Variants in PIEZO1 observed in about 807,000 individuals in gnomAD.
PIEZO1 encodes the protein piezo-type mechanosensitive ion channel component 1.
PIEZO1 carries 296 observed loss-of-function variants against 297.2 expected under a neutral mutation model. The ratio of observed to expected loss-of-function variants is 1.00; its 90% CI spans 0.91 to 1.10. The LOEUF is 1.10. Ranked by LOEUF, PIEZO1 falls within the 50% of genes least tolerant of loss-of-function variation. The pLI, the probability that PIEZO1 is intolerant of heterozygous loss-of-function variation, is 0.00. For missense variants in PIEZO1, 5,018 were observed against 3,455.5 expected (o/e 1.45, Z -11.34); for synonymous variants, 2,427 against 1,507.5 (o/e 1.61, Z -14.13).
intron 7 of PIEZO1, 50 bp from the exon 8 acceptor site, chr16:88,738,155 C>A: frequency 6.5e-7 from 1 of 1,534,516 alleles, no homozygotes; most frequent in Non-Finnish European, 8.7e-7. Flanking sequence ...GCAGTGGGGC[C>A]ACAGGGGCTA....
intron 1 of PIEZO1, among the ~76,000 whole-genome samples, chr16:88,779,936 C>T (rs1002065506): frequency 6.6e-6 from 1 of 152,256 alleles, no homozygotes; most frequent in African/African-American, 2.4e-5. Context: ...CTACCCCCAC[C>T]CAGCCTGGGT....
intron 44 of PIEZO1, chr16:88,718,665 C>T (rs1477142503): frequency 1.3e-5 from 2 of 152,208 alleles, no homozygotes; most frequent in East Asian, 3.8e-4. Flanking sequence ...TTACTAGGGG[C>T]CAGGGGAGGG....
intron 1 of PIEZO1, among the ~76,000 whole-genome samples, chr16:88,758,996 G>A (rs186267278): frequency 2.6e-4 from 39 of 152,334 alleles, no homozygotes; most frequent in African/African-American, 8.4e-4. Flanking sequence ...AAGCTGTTGC[G>A]TCTGCTCCTG....
At chr16:88,725,978 G>A in intron 27 of PIEZO1, 2 of 568,558 alleles carry the variant, frequency 3.5e-6, no homozygotes, top group East Asian at 2.9e-5. Flanking sequence ...GGGCAGTCGT[G>A]ACACCACACA....
chr16:88,733,662 A>C lies in PIEZO1; in HGVS notation c.2413T>G (p.Phe805Val). 6.5e-7 allele frequency: 1 copy of C among 1,549,670 alleles called. No individual in the cohort carries two copies. Among genetic ancestry groups the C allele is most frequent in the Non-Finnish European group, 8.7e-7 (1 of 1,146,554 alleles). The change falls in exon 18 of 51, where the codon TTC becomes GTC. Residue 805 changes from phenylalanine to valine, a missense_variant. Coordinates refer to ENST00000301015, the MANE Select transcript of PIEZO1 (RefSeq NM_001142864.4). ...FSDVLSRVQVFLRRLLELHVF... is the reference protein window; with the variant it reads ...FSDVLSRVQVVLRRLLELHVF... ...TGAAGCTCCAGCAGCCGCCGCAGGA[A>C]CACCTGCACGCGTGAGAGGACGTCC... is the stretch of plus-strand genomic sequence containing the variant.
Position 88,737,958 on chromosome 16 carries a change from G to A in PIEZO1, c.996C>T (p.Leu332=), listed in dbSNP as rs1192345811. The change falls in exon 8 of 51, where the codon CTC becomes CTT. Residue 332 remains leucine, a synonymous_variant. Transcript: ENST00000301015. The part of the protein sequence containing the change: ...LCYATASLRK[L]RAYRPSGQRK... ...CCTGGCCGGAGGGGCGGTACGCGCG[G>A]AGCTTGCGCAGAGAGGCCGTGGCGT... 35 of 1,532,670 alleles carry A rather than the reference G, an allele frequency of 2.3e-5. No homozygotes were observed. The highest frequency in any genetic ancestry group is 3.0e-5 in the Non-Finnish European group (34 of 1,144,974). 94.9% of individuals were successfully genotyped at this position (1,532,670 alleles called of 1,614,324 possible). A position where few individuals can be genotyped will look rare whatever the true frequency, so the allele number is the denominator to read the frequency against.
intron 1 of PIEZO1, among the ~76,000 whole-genome samples, chr16:88,760,567 C>T (rs143819596): frequency 0.016 from 2,425 of 152,298 alleles, 35 homozygotes; most frequent in South Asian, 0.046. Flanking sequence ...GGCAGGGATC[C>T]GAGGGGAACG....
In PIEZO1 at chr16:88,733,349, T is replaced by C. The variant is rs1041802348; in HGVS notation, c.2593A>G (p.Ile865Val). The C allele has an allele frequency of 1.2e-5, 19 of 1,550,098 alleles. No homozygotes were observed. The Admixed American group carries it at 2.2e-4, about 18-fold the overall frequency. The change falls in exon 19 of 51, where the codon ATC (isoleucine) becomes GTC (valine). Residue 865 changes from isoleucine to valine, a missense_variant. Ile to Val is a conservative substitution (Grantham distance 29). Coordinates refer to ENST00000301015, the MANE Select transcript of PIEZO1 (RefSeq NM_001142864.4). ...TGGTACAGCATCTTACACACGATGA[T>C]GACGCAGGTCCACACGGTGGACAGG... ...SCLSTVWTCV[I>V]IVCKMLYQLK...
At chr16:88,730,241 G>C in intron 22 of PIEZO1, among the ~76,000 whole-genome samples, 1 of 152,264 alleles carries the variant, frequency 6.6e-6, no homozygotes, top group Admixed American at 6.5e-5. Context: ...AGCAATGGCT[G>C]TGAGCACAAG....
chr16:88,748,965 C>T lies in PIEZO1; in HGVS notation c.160+419G>A, dbSNP rs1042653591. On this transcript the variant is annotated intron_variant, in intron 2 of 50. Coordinates refer to ENST00000301015, the MANE Select transcript of PIEZO1 (RefSeq NM_001142864.4). Reference sequence around the variant, plus strand: ...AAAAAAAAAAAAAAAAAGCCGGGCGCGGTGGCTCACGTCTGTAATCCCAGC... The same window carrying T: ...AAAAAAAAAAAAAAAAAGCCGGGCGTGGTGGCTCACGTCTGTAATCCCAGC... 1.2e-3 allele frequency among the ~76,000 whole-genome samples: 165 copies of T among 138,066 alleles called. 1 individual carries two copies. The highest frequency in any genetic ancestry group is 4.7e-3 in the East Asian group (21 of 4,464). 90.6% of individuals were successfully genotyped at this position (138,066 alleles called of 152,430 possible).
At chr16:88,735,383 C>G in intron 12 of PIEZO1, 137 bp from the exon 13 acceptor site, 1 of 658,572 alleles carries the variant, frequency 1.5e-6, no homozygotes, top group Non-Finnish European at 2.8e-6. Context: ...GCAGCCTCCC[C>G]ACAGGCACCG....
Position 88,716,194 on chromosome 16 carries a change from T to C in PIEZO1, c.7129+4A>G. 1 of 1,502,500 alleles carries C rather than the reference T, an allele frequency of 6.7e-7. No homozygotes were observed. Among genetic ancestry groups the C allele is most frequent in the Non-Finnish European group, 8.9e-7 (1 of 1,120,254 alleles). 93.1% of individuals were successfully genotyped at this position (1,502,500 alleles called of 1,614,324 possible). A position where few individuals can be genotyped will look rare whatever the true frequency, so the allele number is the denominator to read the frequency against. On this transcript the variant is annotated splice_donor_region_variant and intron_variant, in intron 49 of 50. Transcript: ENST00000301015. ...CCTCCCCCAACCCCCACGCCCATAC[T>C]CACTGGGCTGCAGCTGCTTCACAGG...
Position 88,726,306 on chromosome 16 carries a change from C to G in PIEZO1, c.3946G>C (p.Ala1316Pro), listed in dbSNP as rs1379548717. The change falls in exon 27 of 51, where the codon GCC becomes CCC. Residue 1316 changes from alanine (A) to proline (P), a missense_variant. By Grantham distance (27) the Ala-to-Pro change is conservative. Coordinates refer to ENST00000301015, the MANE Select transcript of PIEZO1 (RefSeq NM_001142864.4). The stretch of plus-strand genomic sequence containing the variant: ...TGCCTGGAGGCTAGCAGGGCGGTGG[C>G]CTGGAGGTCGGCCCTGACGTGCAGG... ...YYLHVRADLQ[A>P]TALLASRGFA... is the part of the protein sequence containing the mutation. The G allele has an allele frequency of 1.3e-6, 2 of 1,549,532 alleles. No homozygotes were observed.
At chr16:88,756,687 G>A (rs780185285) in intron 1 of PIEZO1, among the ~76,000 whole-genome samples, 21 of 152,162 alleles carry the variant, frequency 1.4e-4, no homozygotes, top group Non-Finnish European at 2.6e-4. Context: ...AGAATCGCTT[G>A]AACCTGGGAG....
chr16:88,733,266 G>C lies in PIEZO1; in HGVS notation c.2664+12C>G, dbSNP rs58273686. 0.01 allele frequency: 15,943 copies of C among 1,534,298 alleles called. 1,293 individuals carry two copies. In the African/African-American group the frequency reaches 0.18, roughly 18 times the overall value. ...GGAGCTTCCTCCCGTCCCAGCCCTC[G>C]GGGGCCGGTACCTCGGTGCAGTTGC... is the stretch of plus-strand genomic sequence containing the variant. On this transcript the variant is annotated intron_variant, in intron 19 of 50. Transcript: ENST00000301015.
intron 1 of PIEZO1, among the ~76,000 whole-genome samples, chr16:88,783,755 C>A (rs891096841): frequency 2.0e-5 from 3 of 152,216 alleles, no homozygotes; most frequent in African/African-American, 7.2e-5. Flanking sequence ...TTCATTGATT[C>A]CTGTCTAGAA....
Position 88,726,769 on chromosome 16 carries a change from C to T in PIEZO1, c.3645G>A (p.Trp1215Ter). 2 of 1,550,198 alleles carry T rather than the reference C, an allele frequency of 1.3e-6. No homozygotes were observed. The highest frequency in any genetic ancestry group is 1.2e-5 in the South Asian group (1 of 84,066). The change falls in exon 25 of 51, where the codon TGG becomes TGA. Residue 1215 changes from tryptophan (W) to a stop codon, truncating the protein, a stop_gained. Coordinates refer to ENST00000301015, the MANE Select transcript of PIEZO1 (RefSeq NM_001142864.4). LOFTEE classifies it high-confidence loss of function. ...QRDTRARLVL[W>*]DCLILYNVTV... ...TGACGTTGTACAGAATGAGGCAGTC[C>T]CACAGCACGAGGCGGGCCCGTGTGT...
intron 1 of PIEZO1, among the ~76,000 whole-genome samples, chr16:88,756,348 T>C (rs1906653716): frequency 6.6e-6 from 1 of 152,026 alleles, no homozygotes; most frequent in Non-Finnish European, 1.5e-5. Context: ...CTCGGGACTC[T>C]GGACCCCACA....
intron 2 of PIEZO1, among the ~76,000 whole-genome samples, chr16:88,746,964 C>T (rs1435735907): frequency 6.6e-6 from 1 of 152,210 alleles, no homozygotes; most frequent in Non-Finnish European, 1.5e-5. Context: ...CCCAGCCATG[C>T]ATCCTGGAGG....
Sources: allele counts gnomAD v4.1 joint callset (sites outside exome capture counted in the v4.1 genomes callset), GRCh38; gene constraint gnomAD v4.1.1; transcripts MANE v1.5; gene names NCBI Gene and HGNC (gene_info 2026-07-23, HGNC 2026-07-21).